The following XRCC4 variants were observed in gnomAD, a reference collection of about 807,000 sequenced individuals.
XRCC4 encodes the protein DNA repair protein XRCC4.
Under a neutral mutation model 39.1 loss-of-function variants are expected in XRCC4, and 28 were observed. The observed-to-expected ratio is 0.72, with a 90% confidence interval of 0.53 to 0.98. XRCC4 has a LOEUF of 0.98. XRCC4 is among the 50% of genes least tolerant of loss of function. XRCC4 has a pLI of 0.00. For synonymous variants in XRCC4, 123 were observed against 126.4 expected, an observed-to-expected ratio of 0.97 and a Z score of 0.18; for missense variants, 350 against 376.4, an observed-to-expected ratio of 0.93 and a Z score of 0.58.
At chr5:83,277,800 G>C (rs577006541) in intron 7 of XRCC4, among the ~76,000 whole-genome samples, 1 of 152,192 alleles carries the variant, frequency 6.6e-6, no homozygotes, top group Non-Finnish European at 1.5e-5. Flanking sequence ...TTTGTTTTCT[G>C]TCTGTACCAA....
chr5:83,302,469 C>A (rs917545216), intron 7 of XRCC4, among the ~76,000 whole-genome samples: 12 of 152,132 alleles, frequency 7.9e-5, no homozygotes, highest in African/African-American at 2.9e-4. Flanking sequence ...CTTGCGCTTC[C>A]CAGGTGACAC....
chr5:83,218,864 CTA>C (rs1751972451), intron 6 of XRCC4, among the ~76,000 whole-genome samples: 1 of 152,040 alleles, frequency 6.6e-6, no homozygotes, highest in Non-Finnish European at 1.5e-5. Flanking sequence ...GTAAAATTTT[CTA>C]TGTTTATCTG....
chr5:83,143,605 C>A (rs952769296), intron 3 of XRCC4, among the ~76,000 whole-genome samples: 8 of 152,088 alleles, frequency 5.3e-5, no homozygotes, highest in Non-Finnish European at 1.2e-4. Flanking sequence ...ATTCCTCTAG[C>A]ATTTCCTGTA....
chr5:83,246,824 A>C (rs1017839847), intron 6 of XRCC4, among the ~76,000 whole-genome samples: 1 of 152,170 alleles, frequency 6.6e-6, no homozygotes, highest in Non-Finnish European at 1.5e-5. Context: ...GCACAAAAGC[A>C]CATTTTATGA....
chr5:83,363,417 C>A, the XRCC4 span, among the ~76,000 whole-genome samples: 1 of 152,094 alleles, frequency 6.6e-6, no homozygotes, highest in Non-Finnish European at 1.5e-5. Flanking sequence ...ATCTTAAGGG[C>A]AGTAAAGGGA....
chr5:83,105,071 A>G lies in XRCC4; in HGVS notation c.139+13A>G, dbSNP rs982406585. 3 of 1,593,666 alleles carry G rather than the reference A, an allele frequency of 1.9e-6. No homozygotes were observed. Among genetic ancestry groups the G allele is most frequent in the Admixed American group, 1.8e-5 (1 of 54,782 alleles). On this transcript the variant is annotated intron_variant, in intron 2 of 7. Coordinates refer to ENST00000396027, the MANE Select transcript of XRCC4 (RefSeq NM_003401.5). ...TGGACTGGGACAGGTAATACTAAAA[A>G]CAAAGTTTTTATAAGTAAAATTTAA...
chr5:83,106,689 C>G (rs1350021237), intron 2 of XRCC4, among the ~76,000 whole-genome samples: 1 of 151,770 alleles, frequency 6.6e-6, no homozygotes, highest in East Asian at 1.9e-4. Flanking sequence ...TGGCATCATT[C>G]TTAATAATAT....
chr5:83,305,657 T>C (rs1332897995), intron 7 of XRCC4, among the ~76,000 whole-genome samples: 1 of 152,160 alleles, frequency 6.6e-6, no homozygotes, highest in Non-Finnish European at 1.5e-5. Flanking sequence ...TTCATTAAGA[T>C]AATCTCTTAA....
chr5:83,143,542 C>T (rs1228973628), intron 3 of XRCC4, among the ~76,000 whole-genome samples: 1 of 152,052 alleles, frequency 6.6e-6, no homozygotes, highest in Non-Finnish European at 1.5e-5. Context: ...CTTCTTATTC[C>T]TTCCTGCTGA....
intron 3 of XRCC4, among the ~76,000 whole-genome samples, chr5:83,164,854 A>C (rs7733183): frequency 2.2e-3 from 333 of 152,280 alleles, no homozygotes; most frequent in African/African-American, 7.5e-3. Context: ...AGCTTAAGAA[A>C]TTAAGAGTAA....
intron 3 of XRCC4, among the ~76,000 whole-genome samples, chr5:83,181,353 TAG>T (rs1459979458): frequency 6.6e-6 from 1 of 152,154 alleles, no homozygotes; most frequent in Non-Finnish European, 1.5e-5. Flanking sequence ...AAAAACATTC[TAG>T]AGTTTTTAAA....
chr5:83,175,436 A>C (rs1300500094), intron 3 of XRCC4, among the ~76,000 whole-genome samples: 1 of 152,224 alleles, frequency 6.6e-6, no homozygotes, highest in East Asian at 1.9e-4. Flanking sequence ...TGAATGAATG[A>C]ATAAGAGTTA....
intron 7 of XRCC4, among the ~76,000 whole-genome samples, chr5:83,264,938 G>T (rs1303767457): frequency 6.6e-6 from 1 of 152,056 alleles, no homozygotes; most frequent in African/African-American, 2.4e-5. Context: ...ATAACAATTT[G>T]TACCCTCACA....
intron 7 of XRCC4, among the ~76,000 whole-genome samples, chr5:83,310,124 C>A (rs1003859107): frequency 6.6e-6 from 1 of 152,046 alleles, no homozygotes; most frequent in Non-Finnish European, 1.5e-5. Context: ...ATATCTTATG[C>A]GGTAAAGGCA....
intron 2 of XRCC4, among the ~76,000 whole-genome samples, chr5:83,110,473 A>G (rs1020796790): frequency 1.3e-5 from 2 of 151,992 alleles, no homozygotes; most frequent in Non-Finnish European, 2.9e-5. Flanking sequence ...CTAGTATAGT[A>G]TGTGTTGCAG....
intron 7 of XRCC4, among the ~76,000 whole-genome samples, chr5:83,286,357 A>C (rs1754732582): frequency 6.6e-6 from 1 of 152,116 alleles, no homozygotes; most frequent in Admixed American, 6.6e-5. Flanking sequence ...ACAATTTTCC[A>C]AAATGTACAC....
chr5:83,115,420 T>A (rs1387675392), intron 3 of XRCC4, among the ~76,000 whole-genome samples: 1 of 150,762 alleles, frequency 6.6e-6, no homozygotes, highest in Non-Finnish European at 1.5e-5. Flanking sequence ...AGTGTGAAAC[T>A]CTGTCTCAAA....
intron 7 of XRCC4, among the ~76,000 whole-genome samples, chr5:83,293,655 C>T (rs187469643): frequency 3.3e-5 from 5 of 151,964 alleles, no homozygotes; most frequent in African/African-American, 1.2e-4. Context: ...ATGTGTCTTC[C>T]CTCCATTATC....
At chr5:83,195,116 A>G (rs563550067) in intron 3 of XRCC4, among the ~76,000 whole-genome samples, 11 of 152,292 alleles carry the variant, frequency 7.2e-5, no homozygotes, top group East Asian at 5.8e-4. Context: ...TCAGAATTCC[A>G]TAAGTGTACT....
Sources: gnomAD v4.1 joint callset for allele counts (sites outside exome capture counted in the v4.1 genomes callset) on GRCh38, gnomAD v4.1.1 for gene constraint, MANE v1.5 for transcripts, NCBI Gene and HGNC (gene_info 2026-07-23, HGNC 2026-07-21) for gene names.